Variants in RBFOX1 observed in about 807,000 individuals in gnomAD.
RBFOX1 encodes RNA binding fox-1 homolog 1.
RBFOX1 carries 8 observed loss-of-function variants against 57.7 expected under a neutral mutation model. That is an observed-to-expected ratio of 0.14 (90% confidence interval 0.08 to 0.25). RBFOX1 has a LOEUF of 0.25. Among genes scored for constraint, RBFOX1 ranks in the 10% least tolerant of loss-of-function variants. The pLI is 1.00. For missense variants in RBFOX1, 611 were observed against 548.5 expected, an observed-to-expected ratio of 1.11 and a Z score of -1.14; for synonymous variants, 326 against 222.4, an observed-to-expected ratio of 1.47 and a Z score of -4.15.
At chr16:5,609,041 A>C (rs1378118932) in intron 3 of RBFOX1, among the ~76,000 whole-genome samples, 6 of 152,210 alleles carry the variant, frequency 3.9e-5, no homozygotes. Context: ...TTAATCAAGA[A>C]AGACGGAAGG....
chr16:6,728,355 G>A (rs545470849), intron 3 of RBFOX1, among the ~76,000 whole-genome samples: 6 of 94,052 alleles, frequency 6.4e-5, no homozygotes, highest in Non-Finnish European at 1.4e-4. Context: ...TGTATAAACA[G>A]TTAAATCCCA....
intron 1 of RBFOX1, among the ~76,000 whole-genome samples, chr16:6,142,420 AC>A (rs1225946035): frequency 1.3e-5 from 2 of 151,726 alleles, no homozygotes; most frequent in Non-Finnish European, 2.9e-5. Flanking sequence ...ATGGGGTTTC[AC>A]CATGTTAGCC....
intron 2 of RBFOX1, among the ~76,000 whole-genome samples, chr16:6,622,886 A>T (rs888936678): frequency 3.3e-5 from 5 of 152,228 alleles, no homozygotes; most frequent in African/African-American, 7.2e-5. Context: ...TTGTTCTGCC[A>T]AGTTGGGCAA....
chr16:7,265,397 TTTTC>T (rs1388594604), intron 4 of RBFOX1, among the ~76,000 whole-genome samples: 3 of 151,936 alleles, frequency 2.0e-5, no homozygotes, highest in Non-Finnish European at 2.9e-5. Context: ...TTTTCTTTCT[TTTTC>T]TTTATGTTTT....
intron 4 of RBFOX1, among the ~76,000 whole-genome samples, chr16:5,906,545 C>T (rs1460276621): frequency 6.6e-6 from 1 of 152,036 alleles, no homozygotes; most frequent in African/African-American, 2.4e-5. Flanking sequence ...TTTAAGCTCC[C>T]TGTCTGCAGG....
intron 4 of RBFOX1, among the ~76,000 whole-genome samples, chr16:7,381,935 T>C (rs1417523250): frequency 6.6e-6 from 1 of 152,180 alleles, no homozygotes; most frequent in African/African-American, 2.4e-5. Flanking sequence ...CAAAGATGTC[T>C]CTAGACTTGG....
chr16:6,379,096 G>A (rs1049624387), intron 2 of RBFOX1, among the ~76,000 whole-genome samples: 1 of 152,108 alleles, frequency 6.6e-6, no homozygotes, highest in Admixed American at 6.5e-5. Context: ...TTTCTAAACT[G>A]GGTATTTGAG....
chr16:7,612,484 G>A (rs1596485061), intron 10 of RBFOX1, among the ~76,000 whole-genome samples: 1 of 151,836 alleles, frequency 6.6e-6, no homozygotes, highest in African/African-American at 2.4e-5. Context: ...TCTCTACCCA[G>A]TAGCAGGCCT....
At chr16:5,368,672 TA>T (rs958601835) in intron 1 of RBFOX1, among the ~76,000 whole-genome samples, 15 of 152,210 alleles carry the variant, frequency 9.9e-5, no homozygotes, top group Admixed American at 8.5e-4. Flanking sequence ...GGCCATCCTT[TA>T]AAAAAAATTC....
At chr16:7,127,972 G>T (rs553655033) in intron 4 of RBFOX1, among the ~76,000 whole-genome samples, 1 of 152,150 alleles carries the variant, frequency 6.6e-6, no homozygotes, top group African/African-American at 2.4e-5. Context: ...AAAGAGGCTG[G>T]GTTCAGATGC....
intron 3 of RBFOX1, among the ~76,000 whole-genome samples, chr16:6,993,904 T>C (rs891458040): frequency 2.0e-5 from 3 of 152,150 alleles, no homozygotes; most frequent in African/African-American, 7.2e-5. Flanking sequence ...ATGTATCTCA[T>C]ATTGTATTGA....
intron 3 of RBFOX1, among the ~76,000 whole-genome samples, chr16:6,803,574 G>C (rs2086003640): frequency 6.6e-6 from 1 of 152,162 alleles, no homozygotes; most frequent in South Asian, 2.1e-4. Flanking sequence ...CTTAAATTAT[G>C]TATGGTGGTA....
At chr16:5,823,928 C>T (rs904990672) in intron 3 of RBFOX1, among the ~76,000 whole-genome samples, 4 of 152,286 alleles carry the variant, frequency 2.6e-5, no homozygotes, top group Admixed American at 1.3e-4. Context: ...AATCCCACAT[C>T]TCCCTGGTCC....
At chr16:6,585,249 G>A (rs374306039) in intron 2 of RBFOX1, among the ~76,000 whole-genome samples, 19 of 152,164 alleles carry the variant, frequency 1.2e-4, no homozygotes, top group African/African-American at 3.6e-4. Context: ...TCTTACAGAA[G>A]AGGAAACCTT....
chr16:5,860,705 A>T (rs1459576660), intron 3 of RBFOX1, among the ~76,000 whole-genome samples: 2 of 152,190 alleles, frequency 1.3e-5, no homozygotes, highest in Non-Finnish European at 2.9e-5. Flanking sequence ...ACTAGTCTAT[A>T]TAAGCAGAAG....
chr16:7,276,554 A>AT (rs199648940), intron 4 of RBFOX1, among the ~76,000 whole-genome samples: 2,970 of 151,518 alleles, frequency 0.02, 41 homozygotes, highest in Middle Eastern at 0.027. Flanking sequence ...TCCTTGACTG[A>AT]TTTTTTTTTA....
intron 1 of RBFOX1, among the ~76,000 whole-genome samples, chr16:5,361,000 C>G (rs989878192): frequency 2.0e-5 from 3 of 152,042 alleles, no homozygotes; most frequent in African/African-American, 7.3e-5. Context: ...AGGCTGCACA[C>G]GATGCAGGGA....
intron 2 of RBFOX1, among the ~76,000 whole-genome samples, chr16:6,589,393 G>C (rs1050186939): frequency 6.6e-6 from 1 of 152,188 alleles, no homozygotes; most frequent in African/African-American, 2.4e-5. Context: ...GGGTTTTTCA[G>C]GATTATTTGG....
chr16:7,466,947 C>A lies in RBFOX1; in HGVS notation c.28-51200C>A, dbSNP rs549014105. On this transcript the variant is annotated intron_variant, in intron 4 of 15. Transcript: ENST00000550418. ...ACAGGAGAGACTGATTTAATCAACA[C>A]ATATTTACAGAGCACCCACTCTGCT... is the stretch of plus-strand genomic sequence containing the variant. 2.0e-5 allele frequency among the ~76,000 whole-genome samples: 3 copies of A among 152,298 alleles called. No homozygotes were observed. The South Asian group carries it at 6.2e-4, about 32-fold the overall frequency.
Sources: gnomAD v4.1 joint callset for allele counts (sites outside exome capture counted in the v4.1 genomes callset) on GRCh38, gnomAD v4.1.1 for gene constraint, MANE v1.5 for transcripts, NCBI Gene and HGNC (gene_info 2026-07-23, HGNC 2026-07-21) for gene names.